TAS2R1: variants seen among roughly 807,000 people sequenced by gnomAD.
TAS2R1 encodes taste receptor type 2 member 1.
For missense variants in TAS2R1, 370 were observed against 353.4 expected, an observed-to-expected ratio of 1.05 and a Z score of -0.38; for synonymous variants, 141 against 134.2, an observed-to-expected ratio of 1.05 and a Z score of -0.35.
At chr5:9,842,201 A>G in the TAS2R1 span, among the ~76,000 whole-genome samples, 266 of 151,758 alleles carry the variant, frequency 1.8e-3, 1 homozygote, top group African/African-American at 6.0e-3. Flanking sequence ...GTGTCTCATA[A>G]TTTTTTATTG....
intron 1 of TAS2R1, among the ~76,000 whole-genome samples, chr5:9,676,076 T>G (rs1010389471): frequency 1.3e-5 from 2 of 152,192 alleles, no homozygotes; most frequent in Non-Finnish European, 2.9e-5. Context: ...GTGTTAAAAT[T>G]TTGTCAATTT....
chr5:9,692,741 T>C (rs1741274274), intron 1 of TAS2R1, among the ~76,000 whole-genome samples: 1 of 152,222 alleles, frequency 6.6e-6, no homozygotes, highest in South Asian at 2.1e-4. Context: ...TAAGCATTTA[T>C]GTTGGCAGAG....
chr5:9,816,044 G>A, the TAS2R1 span, among the ~76,000 whole-genome samples: 222 of 152,184 alleles, frequency 1.5e-3, no homozygotes, highest in African/African-American at 5.1e-3. Context: ...ATTAACTCTC[G>A]TGTCAATAGA....
At chr5:9,791,161 T>G in the TAS2R1 span, among the ~76,000 whole-genome samples, 6 of 152,178 alleles carry the variant, frequency 3.9e-5, no homozygotes, top group African/African-American at 1.2e-4. Flanking sequence ...ATTAGTCTTA[T>G]AGCTGTGAAG....
At chr5:9,636,998 C>T (rs1221083497) in intron 2 of TAS2R1, among the ~76,000 whole-genome samples, 14 of 146,170 alleles carry the variant, frequency 9.6e-5, no homozygotes, top group African/African-American at 2.8e-4. Context: ...TTTTTTTTTC[C>T]ATTGTGTTAT....
chr5:9,732,031 T>A, the TAS2R1 span, among the ~76,000 whole-genome samples: 1 of 152,198 alleles, frequency 6.6e-6, no homozygotes, highest in Non-Finnish European at 1.5e-5. Flanking sequence ...ATAGAGATTA[T>A]GATGTTTACA....
the TAS2R1 span, among the ~76,000 whole-genome samples, chr5:9,742,419 G>T: frequency 6.6e-6 from 1 of 152,170 alleles, no homozygotes; most frequent in Non-Finnish European, 1.5e-5. Flanking sequence ...TCCCCTGAGA[G>T]ATTTGTACAT....
chr5:9,658,399 T>C (rs554533638), intron 2 of TAS2R1: 1 of 152,368 alleles, frequency 6.6e-6, no homozygotes, highest in East Asian at 1.9e-4. Flanking sequence ...GTTGTAACCA[T>C]GATTCTTATA....
the TAS2R1 span, among the ~76,000 whole-genome samples, chr5:9,747,689 AG>A: frequency 6.6e-6 from 1 of 152,164 alleles, no homozygotes; most frequent in Non-Finnish European, 1.5e-5. Flanking sequence ...GTGCAGCATA[AG>A]GGACAAATAT....
the TAS2R1 span, among the ~76,000 whole-genome samples, chr5:9,794,713 C>T: frequency 1.3e-5 from 2 of 152,066 alleles, no homozygotes; most frequent in Non-Finnish European, 2.9e-5. Context: ...ATACCTCATA[C>T]GAATTCAGAA....
the TAS2R1 span, among the ~76,000 whole-genome samples, chr5:9,846,509 C>T: frequency 6.6e-6 from 1 of 152,172 alleles, no homozygotes; most frequent in African/African-American, 2.4e-5. Flanking sequence ...TTAAAACAGA[C>T]AGAACAGAGA....
chr5:9,752,594 A>T, the TAS2R1 span, among the ~76,000 whole-genome samples: 1 of 152,166 alleles, frequency 6.6e-6, no homozygotes, highest in Non-Finnish European at 1.5e-5. Flanking sequence ...ACATGTGCAC[A>T]ACATGCAGGT....
the TAS2R1 span, among the ~76,000 whole-genome samples, chr5:9,749,120 A>T: frequency 1.5e-4 from 23 of 152,220 alleles, no homozygotes; most frequent in Non-Finnish European, 1.6e-4. Flanking sequence ...ATCCAGCAAC[A>T]GGTCTGGAAA....
At chr5:9,797,073 T>C in the TAS2R1 span, among the ~76,000 whole-genome samples, 1 of 152,160 alleles carries the variant, frequency 6.6e-6, no homozygotes, top group Non-Finnish European at 1.5e-5. Flanking sequence ...TAGGAGGAGT[T>C]TGATTGGGCT....
At chr5:9,818,182 T>A in the TAS2R1 span, among the ~76,000 whole-genome samples, 8 of 152,136 alleles carry the variant, frequency 5.3e-5, no homozygotes, top group Non-Finnish European at 8.8e-5. Context: ...GGCCATCTCA[T>A]CCATAACTCA....
At chr5:9,818,566 T>C in the TAS2R1 span, among the ~76,000 whole-genome samples, 1 of 152,198 alleles carries the variant, frequency 6.6e-6, no homozygotes. Context: ...GCCAGGGTGA[T>C]GGGTGACTGG....
At chr5:9,869,822 T>C in the TAS2R1 span, among the ~76,000 whole-genome samples, 6 of 152,242 alleles carry the variant, frequency 3.9e-5, no homozygotes, top group Non-Finnish European at 7.3e-5. Flanking sequence ...GCCATGAGTA[T>C]GACTATATGC....
the TAS2R1 span, among the ~76,000 whole-genome samples, chr5:9,811,816 G>A: frequency 6.6e-6 from 1 of 152,030 alleles, no homozygotes; most frequent in Non-Finnish European, 1.5e-5. Flanking sequence ...GAAAATTACA[G>A]GGCCCTTATG....
At chr5:9,813,004 A>G in the TAS2R1 span, among the ~76,000 whole-genome samples, 1 of 152,232 alleles carries the variant, frequency 6.6e-6, no homozygotes, top group Non-Finnish European at 1.5e-5. Context: ...ACAAATTCAT[A>G]TAATAAAATC....
Sources: allele counts gnomAD v4.1 joint callset (sites outside exome capture counted in the v4.1 genomes callset), GRCh38; gene constraint gnomAD v4.1.1; transcripts MANE v1.5; gene names NCBI Gene and HGNC (gene_info 2026-07-23, HGNC 2026-07-21).